The following NRG4 variants were observed in gnomAD, a reference collection of about 807,000 sequenced individuals.
NRG4 encodes the protein pro-neuregulin-4, membrane-bound isoform.
NRG4 carries 10 observed loss-of-function variants against 15.0 expected under a neutral mutation model. The observed-to-expected ratio is 0.67, with a 90% CI of 0.41 to 1.13. The LOEUF (loss-of-function observed/expected upper bound fraction) is 1.13, where lower values mean the gene tolerates loss of function less well. NRG4 is among the 50% of genes most tolerant of loss of function. The probability of loss-of-function intolerance (pLI) is 0.00; values close to 1 mark genes in which losing one functional copy is unlikely to be tolerated. For missense variants in NRG4, 139 were observed against 140.2 expected (o/e 0.99, Z 0.04); for synonymous variants, 41 against 50.1 (o/e 0.82, Z 0.77).
intron 3 of NRG4, among the ~76,000 whole-genome samples, chr15:75,986,782 C>A (rs1013836447): frequency 1.7e-4 from 26 of 152,064 alleles, no homozygotes; most frequent in Non-Finnish European, 1.2e-4. Flanking sequence ...ACAATGGTAA[C>A]TATCTTGGAG....
chr15:75,979,032 A>C (rs776090454), intron 3 of NRG4, among the ~76,000 whole-genome samples: 4 of 152,154 alleles, frequency 2.6e-5, no homozygotes, highest in Non-Finnish European at 5.9e-5. Context: ...ATCCCTTGTC[A>C]GATGGATAGC....
chr15:75,941,789 G>C lies in NRG4; in HGVS notation c.*1849C>G, dbSNP rs750350962. On this transcript the variant is annotated 3_prime_UTR_variant, in exon 6 of 6. Transcript: ENST00000394907. ...GGGAATTTATTGTTTAAGGGGCACAGAGATTAGTGTGGGATCATGAAAAAG... is the reference window on the plus strand; with the variant it reads ...GGGAATTTATTGTTTAAGGGGCACACAGATTAGTGTGGGATCATGAAAAAG... 1 of 152,140 alleles carries C rather than the reference G, an allele frequency of 6.6e-6. No homozygotes were observed. 9.4% of individuals were successfully genotyped at this position (152,140 alleles called of 1,614,324 possible).
intron 3 of NRG4, among the ~76,000 whole-genome samples, chr15:75,973,878 T>C (rs2033234669): frequency 6.6e-6 from 1 of 152,334 alleles, no homozygotes; most frequent in South Asian, 2.1e-4. Flanking sequence ...GATGCTGGCC[T>C]CATAAAATGA....
intron 5 of NRG4, among the ~76,000 whole-genome samples, chr15:75,945,059 GA>G (rs141286268): frequency 0.016 from 2,428 of 151,412 alleles, 62 homozygotes; most frequent in African/African-American, 0.055. Flanking sequence ...CTGGGGAAAA[GA>G]AAAAAATCAA....
In NRG4 at chr15:75,977,754, T is replaced by C. The variant is rs2033432046; in HGVS notation, c.105-15780A>G. Among the ~76,000 whole-genome samples the C allele has an allele frequency of 6.6e-6, 1 of 152,208 alleles. No homozygotes were observed. The highest frequency in any genetic ancestry group is 2.4e-5 in the African/African-American group (1 of 41,466). On this transcript the variant is annotated intron_variant, in intron 3 of 5. Transcript: ENST00000394907. The surrounding 1 kb of genome is among the most constrained non-coding windows in gnomAD (Gnocchi z 4.9). ...GGGAGCTGCAGACCAGAGCTGTTCC[T>C]ATTTGGCCATCTTATCACTTCTTTC...
chr15:76,029,899 C>T (rs2035426094), intron 5 of NRG4, among the ~76,000 whole-genome samples: 1 of 152,248 alleles, frequency 6.6e-6, no homozygotes, highest in East Asian at 1.9e-4. Flanking sequence ...CAATTACATT[C>T]TTCACATAAA....
intron 3 of NRG4, among the ~76,000 whole-genome samples, chr15:75,974,730 G>A (rs983545570): frequency 4.6e-5 from 7 of 151,472 alleles, no homozygotes; most frequent in Non-Finnish European, 1.0e-4. Flanking sequence ...AGACTGTTAC[G>A]ATTTTCATTC....
Position 75,943,494 on chromosome 15 carries a change from A to G in NRG4, c.*144T>C, listed in dbSNP as rs2031202667. ...CAGAAGCACACACACCTTGCAGCAG[A>G]ATGGATTATGGTTCATGATACGAGT... On this transcript the variant is annotated 3_prime_UTR_variant, in exon 6 of 6. Coordinates refer to ENST00000394907, the MANE Select transcript of NRG4 (RefSeq NM_138573.4). The G allele has an allele frequency of 3.2e-6, 2 of 619,862 alleles. No individual in the cohort carries two copies. The highest frequency in any genetic ancestry group is 3.7e-5 in the African/African-American group (2 of 53,492). 38.4% of individuals were successfully genotyped at this position (619,862 alleles called of 1,614,324 possible). A position where few individuals can be genotyped will look rare whatever the true frequency, so the allele number is the denominator to read the frequency against.
rs536022043 is a variant in NRG4 at position 76,047,385 on chromosome 15, A to G, written c.-105+4682T>C. On this transcript the variant is annotated intron_variant, in intron 4 of 8. Transcript: ENST00000563910. ...ATGAAATCATCCTAAGTGCCTATCA[A>G]TGGATGAATAAAGAAAATAGGATAT... Among the ~76,000 whole-genome samples, 7 of 151,194 alleles carry G rather than the reference A, an allele frequency of 4.6e-5. 1 individual carries two copies. Among genetic ancestry groups the G allele is most frequent in the East Asian group, 1.9e-4 (1 of 5,192 alleles).
intron 3 of NRG4, among the ~76,000 whole-genome samples, chr15:76,002,615 A>G (rs996138387): frequency 9.9e-5 from 15 of 152,170 alleles, no homozygotes; most frequent in African/African-American, 3.4e-4. Flanking sequence ...CACTTTAAAG[A>G]TACAGATAGG....
chr15:76,046,437 C>T (rs955760205), intron 4 of NRG4, among the ~76,000 whole-genome samples: 2 of 151,174 alleles, frequency 1.3e-5, no homozygotes, highest in Non-Finnish European at 2.9e-5. Flanking sequence ...CACCACACTA[C>T]CTGACTTCAA....
At chr15:76,020,767 T>C (rs1178344443) in intron 5 of NRG4, among the ~76,000 whole-genome samples, 1 of 152,196 alleles carries the variant, frequency 6.6e-6, no homozygotes, top group Non-Finnish European at 1.5e-5. Context: ...TTCTTATAAA[T>C]TCTATGAAGG....
chr15:75,944,147 A>C (rs1435212662), intron 5 of NRG4, among the ~76,000 whole-genome samples: 1 of 152,224 alleles, frequency 6.6e-6, no homozygotes, highest in African/African-American at 2.4e-5. Context: ...GTAGCCAGCA[A>C]GTCCTGAGAC....
intron 5 of NRG4, among the ~76,000 whole-genome samples, chr15:76,018,960 G>T (rs1387882302): frequency 1.3e-5 from 2 of 152,116 alleles, no homozygotes; most frequent in African/African-American, 4.8e-5. Flanking sequence ...TCTGTTCCAG[G>T]GAGATGGGGG....
intron 4 of NRG4, among the ~76,000 whole-genome samples, chr15:76,038,734 G>A (rs2035656379): frequency 6.6e-6 from 1 of 152,188 alleles, no homozygotes; most frequent in Non-Finnish European, 1.5e-5. Context: ...ACTAGATGCT[G>A]ACTGTAGAGC....
chr15:75,961,023 A>G (rs1199452007), intron 4 of NRG4, among the ~76,000 whole-genome samples: 1 of 152,174 alleles, frequency 6.6e-6, no homozygotes, highest in African/African-American at 2.4e-5. Flanking sequence ...TATTTTACCT[A>G]TATGTTACCT....
intron 3 of NRG4, among the ~76,000 whole-genome samples, chr15:75,980,697 C>T (rs1236967374): frequency 6.6e-6 from 1 of 152,044 alleles, no homozygotes; most frequent in Non-Finnish European, 1.5e-5. Context: ...ACTTAGGATA[C>T]CCTAGTGCAG....
In NRG4 at chr15:75,974,090, T is replaced by C. The variant is rs1051132901; in HGVS notation, c.105-12116A>G. On this transcript the variant is annotated intron_variant, in intron 3 of 5. Transcript: ENST00000394907. ...GGGATTCGACTTCTTCCTGGTTTAG[T>C]GTTGGGAGGGGGTATGTGTTAAGGA... Among the ~76,000 whole-genome samples the C allele has an allele frequency of 2.0e-5, 3 of 152,144 alleles. No homozygotes were observed. The South Asian group carries it at 6.2e-4, about 31-fold the overall frequency.
intron 4 of NRG4, among the ~76,000 whole-genome samples, chr15:76,049,131 G>T (rs890490050): frequency 6.6e-6 from 1 of 150,672 alleles, no homozygotes; most frequent in Admixed American, 6.6e-5. Flanking sequence ...AACCAGCCTA[G>T]TTACTTTTCA....
Sources: allele counts gnomAD v4.1 joint callset (sites outside exome capture counted in the v4.1 genomes callset), GRCh38; gene constraint gnomAD v4.1.1; non-coding constraint Gnocchi (gnomAD v3.1); transcripts MANE v1.5; gene names NCBI Gene and HGNC (gene_info 2026-07-23, HGNC 2026-07-21).